Variants in OR2D2 observed in about 807,000 individuals in gnomAD.
The protein encoded by OR2D2 is olfactory receptor family 2 subfamily D member 2, also known as olfactory receptor 2D2.
A neutral mutation model predicts 16.0 loss-of-function variants in OR2D2; 20 were observed. The observed-to-expected ratio is 1.25, with a 90% confidence interval of 0.88 to 1.82. The LOEUF (loss-of-function observed/expected upper bound fraction) is 1.82, where lower values mean the gene tolerates loss of function less well. Among genes scored for constraint, OR2D2 ranks in the 40% most tolerant of loss-of-function variants. The pLI, the probability that OR2D2 is intolerant of heterozygous loss-of-function variation, is 0.00. For missense variants in OR2D2, 409 were observed against 369.3 expected (o/e 1.11, Z -0.88); for synonymous variants, 164 against 143.9 (o/e 1.14, Z -1.00).
Position 6,892,262 on chromosome 11 carries a change from T to C in OR2D2, c.239A>G (p.Gln80Arg), listed in dbSNP as rs1374124694. The C allele has an allele frequency of 5.0e-6, 8 of 1,613,820 alleles. No individual in the cohort carries two copies. Among genetic ancestry groups the C allele is most frequent in the Non-Finnish European group, 6.8e-6 (8 of 1,179,848 alleles). ...TCTGGAAAGCAGGTGGACTAGTGCCTGAGGAACTATGTTGGTAGAGAAACA... is the reference window on the plus strand; with the variant it reads ...TCTGGAAAGCAGGTGGACTAGTGCCCGAGGAACTATGTTGGTAGAGAAACA... ...DLCFSTNIVP[Q>R]ALVHLLSRKK... Residue 80 changes from glutamine (Q) to arginine (R), a missense_variant, in exon 1 of 1, where the codon CAG becomes CGG. Physicochemically the swap from Gln to Arg is conservative, Grantham distance 43. Coordinates refer to ENST00000299459, the MANE Select transcript of OR2D2 (RefSeq NM_003700.1).
rs1394889224 is a variant in OR2D2 at position 6,891,935 on chromosome 11, G to A, written c.566C>T (p.Ser189Phe). ...CATCTCTGATGCATGGGTGTCTGTG[G>A]ATGCTAAGATCAATAGTGCAGGGGC... ...CEAPALLILA[S>F]TDTHASEMAI... The change falls in exon 1 of 1, where the codon TCC (serine) becomes TTC (phenylalanine). Residue 189 changes from serine to phenylalanine, a missense_variant. Ser to Phe is a radical substitution (Grantham distance 155). Transcript: ENST00000299459. 3 of 1,613,522 alleles carry A rather than the reference G, an allele frequency of 1.9e-6. No individual in the cohort carries two copies. Among genetic ancestry groups the A allele is most frequent in the Non-Finnish European group, 2.5e-6 (3 of 1,179,824 alleles).
rs757818885 is a variant in OR2D2, at chr11:6,891,674, T to C, written c.827A>G (p.Tyr276Cys). The change falls in exon 1 of 1, where the codon TAT becomes TGT. Residue 276 changes from tyrosine to cysteine, a missense_variant. Transcript: ENST00000299459. ...ATTAAGCATGGGAGTCACTATTGCA[T>C]AGAAAACAGACACCGATTTTTCCTG... Reference protein sequence around the residue: ...KQQEKSVSVFYAIVTPMLNPL... With the variant: ...KQQEKSVSVFCAIVTPMLNPL... 5 of 1,613,060 alleles carry C rather than the reference T, an allele frequency of 3.1e-6. No individual in the cohort carries two copies. Among genetic ancestry groups the C allele is most frequent in the South Asian group, 1.1e-5 (1 of 91,076 alleles).
At position 6,892,128 on chromosome 11, in the gene OR2D2, C is replaced by A; in HGVS notation, c.373G>T (p.Ala125Ser). ...LAVMSYDRYV[A>S]ICNPLRYPNI... is the part of the protein sequence containing the mutation. ...GGGTAACGCAGAGGATTGCAGATTG[C>A]AACATAGCGATCATAGGACATCACT... The change falls in exon 1 of 1, where the codon GCA (alanine) becomes TCA (serine). Residue 125 changes from alanine (A) to serine (S), a missense_variant. Transcript: ENST00000299459. 1 of 1,613,790 alleles carries A rather than the reference C, an allele frequency of 6.2e-7. No individual in the cohort carries two copies. Among genetic ancestry groups the A allele is most frequent in the Non-Finnish European group, 8.5e-7 (1 of 1,179,844 alleles).
Position 6,892,335 on chromosome 11 carries a change from GAA to G in OR2D2, c.164_165del (p.Leu55ProfsTer15). 1 of 1,613,740 alleles carries G rather than the reference GAA, an allele frequency of 6.2e-7. No individual in the cohort carries two copies. Among genetic ancestry groups the G allele is most frequent in the East Asian group, 2.2e-5 (1 of 44,862 alleles). The part of the protein sequence containing the change: ...LISLVHVDSQ[L>X]HTPMYFFLCN... ...CAGAGAAAAAAATACATGGGTGTGT[GAA>G]GTTGGGAGTCAACATGAACAAGGGA... On this transcript the variant is annotated frameshift_variant, in exon 1 of 1. Coordinates refer to ENST00000299459, the MANE Select transcript of OR2D2 (RefSeq NM_003700.1). LOFTEE classifies it high-confidence loss of function.
chr11:6,891,836 A>G lies in OR2D2; in HGVS notation c.665T>C (p.Ile222Thr), dbSNP rs1848596600. 2 of 1,613,752 alleles carry G rather than the reference A, an allele frequency of 1.2e-6. No individual in the cohort carries two copies. Among genetic ancestry groups the G allele is most frequent in the African/African-American group, 1.3e-5 (1 of 74,890 alleles). Residue 222 changes from isoleucine to threonine, a missense_variant, in exon 1 of 1, where the codon ATA becomes ACA. Physicochemically the swap from Ile to Thr is moderately conservative, Grantham distance 89. Coordinates refer to ENST00000299459, the MANE Select transcript of OR2D2 (RefSeq NM_003700.1). ...TGACTTCATCTTGACCACAGTTACTATGATACGGCCATAGGATACCAGAAT... is the reference window on the plus strand; with the variant it reads ...TGACTTCATCTTGACCACAGTTACTGTGATACGGCCATAGGATACCAGAAT... ...FLILVSYGRIIVTVVKMKSTV... is the reference protein window; with the variant it reads ...FLILVSYGRITVTVVKMKSTV...
Position 6,892,179 on chromosome 11 carries a change from CA to C in OR2D2, c.321del (p.Phe107LeufsTer11), listed in dbSNP as rs757801594. The C allele has an allele frequency of 8.1e-6, 13 of 1,613,638 alleles. No homozygotes were observed. The East Asian group carries it at 2.7e-4, about 33-fold the overall frequency. On this transcript the variant is annotated frameshift_variant, in exon 1 of 1. Transcript: ENST00000299459. LOFTEE classifies it high-confidence loss of function. ...CAARLLFFLIFGCTQCALLAV... is the reference protein window; with the variant it reads ...CAARLLFFLIXGCTQCALLAV... ...GCAAGAAGGGCGCACTGGGTACACC[CA>C]AAAATGAGGAAAAAGAGAAGTCGAG...
At position 6,891,604 on chromosome 11, in the gene OR2D2, C is replaced by T. The variant is rs997621860; in HGVS notation, c.897G>A (p.Leu299=). The change falls in exon 1 of 1, where the codon CTG becomes CTA. Residue 299 remains leucine (L), a synonymous_variant. Transcript: ENST00000299459. ...GGAAATTCCTTGTGGCTACTTTCCT[C>T]AGAGCTGCCTTCACATCCTTGTTTC... is the stretch of plus-strand genomic sequence containing the variant. ...SLRNKDVKAA[L]RKVATRNFP The T allele has an allele frequency of 1.9e-6, 3 of 1,613,122 alleles. No homozygotes were observed. Among genetic ancestry groups the T allele is most frequent in the African/African-American group, 1.3e-5 (1 of 74,840 alleles).
At position 6,891,943 on chromosome 11, in the gene OR2D2, G is replaced by A; in HGVS notation, c.558C>T (p.Ile186=). The A allele has an allele frequency of 1.9e-6, 3 of 1,613,684 alleles. No individual in the cohort carries two copies. The highest frequency in any genetic ancestry group is 2.5e-6 in the Non-Finnish European group (3 of 1,179,814). The change falls in exon 1 of 1, where the codon ATC becomes ATT. Residue 186 remains isoleucine, a synonymous_variant. Transcript: ENST00000299459. The part of the protein sequence containing the change: ...HFFCEAPALL[I]LASTDTHASE... ...ATGCATGGGTGTCTGTGGATGCTAAGATCAATAGTGCAGGGGCCTCACAAA... is the reference window on the plus strand; with the variant it reads ...ATGCATGGGTGTCTGTGGATGCTAAAATCAATAGTGCAGGGGCCTCACAAA...
chr11:6,892,481 G>T lies in OR2D2; in HGVS notation c.20C>A (p.Thr7Lys), dbSNP rs747997494. 5.6e-6 allele frequency: 9 copies of T among 1,608,888 alleles called. No individual in the cohort carries two copies. The Admixed American group carries it at 1.5e-4, about 27-fold the overall frequency. The change falls in exon 1 of 1, where the codon ACA (threonine) becomes AAA (lysine). Residue 7 changes from threonine to lysine, a missense_variant. Thr to Lys is a moderately conservative substitution (Grantham distance 78). Coordinates refer to ENST00000299459, the MANE Select transcript of OR2D2 (RefSeq NM_003700.1). ...CAGAAGGAGGAATTCTGTCACTTGT[G>T]TCTGATTTATCTGTCTCATAGTTTG... MRQINQ[T>K]QVTEFLLLGL...
Position 6,892,031 on chromosome 11 carries a change from A to G in OR2D2, c.470T>C (p.Val157Ala). 6.2e-7 allele frequency: 1 copy of G among 1,613,650 alleles called. No individual in the cohort carries two copies. The highest frequency in any genetic ancestry group is 8.5e-7 in the Non-Finnish European group (1 of 1,179,700). ...CCTCAGTATGAAGGTGGTGTCTACCACAGACACCAGAATGCCACTGGTCCA... is the reference window on the plus strand; with the variant it reads ...CCTCAGTATGAAGGTGGTGTCTACCGCAGACACCAGAATGCCACTGGTCCA... ...GSWTSGILVS[V>A]VDTTFILRLP... Residue 157 changes from valine to alanine, a missense_variant, in exon 1 of 1, where the codon GTG (valine) becomes GCG (alanine). Physicochemically the swap from Val to Ala is moderately conservative, Grantham distance 64. Transcript: ENST00000299459.
rs772057797 is a variant in OR2D2 at position 6,891,719 on chromosome 11, G to A, written c.782C>T (p.Thr261Ile). Residue 261 changes from threonine to isoleucine, a missense_variant, in exon 1 of 1, where the codon ACA (threonine) becomes ATA (isoleucine). By Grantham distance (89) the Thr-to-Ile change is moderately conservative. Transcript: ENST00000299459. Reference protein sequence around the residue: ...FYGSAIITYMTPKSSKQQEKS... With the variant: ...FYGSAIITYMIPKSSKQQEKS... ...TTCCTGCTGTTTGGAAGACTTGGGT[G>A]TCATGTAAGTGATAATTGCTGATCC... 3.7e-6 allele frequency: 6 copies of A among 1,613,722 alleles called. No individual in the cohort carries two copies. Among genetic ancestry groups the A allele is most frequent in the Middle Eastern group, 1.6e-4 (1 of 6,062 alleles).
chr11:6,891,689 G>T lies in OR2D2; in HGVS notation c.812C>A (p.Ser271Ter), dbSNP rs113111396. The T allele has an allele frequency of 6.2e-7, 1 of 1,612,596 alleles. No individual in the cohort carries two copies. The highest frequency in any genetic ancestry group is 8.5e-7 in the Non-Finnish European group (1 of 1,179,762). Residue 271 changes from serine to a stop codon, truncating the protein, a stop_gained, in exon 1 of 1, where the codon TCG becomes TAG. Transcript: ENST00000299459. LOFTEE classifies it high-confidence loss of function. The part of the protein sequence containing the change: ...TPKSSKQQEK[S>*]VSVFYAIVTP... ...CACTATTGCATAGAAAACAGACACC[G>T]ATTTTTCCTGCTGTTTGGAAGACTT... is the stretch of plus-strand genomic sequence containing the variant.
rs758399018 is a variant in OR2D2 at position 6,892,263 on chromosome 11, G to A, written c.238C>T (p.Gln80Ter). ...CTGGAAAGCAGGTGGACTAGTGCCT[G>A]AGGAACTATGTTGGTAGAGAAACAG... ...DLCFSTNIVP[Q>*]ALVHLLSRKK... Residue 80 changes from glutamine (Q) to a stop codon, truncating the protein, a stop_gained, in exon 1 of 1, where the codon CAG (glutamine) becomes TAG (stop). Transcript: ENST00000299459. LOFTEE classifies it high-confidence loss of function. 5 of 1,613,778 alleles carry A rather than the reference G, an allele frequency of 3.1e-6. No individual in the cohort carries two copies. The highest frequency in any genetic ancestry group is 4.2e-6 in the Non-Finnish European group (5 of 1,179,860).
Position 6,892,350 on chromosome 11 carries a change from C to T in OR2D2, c.151G>A (p.Val51Ile), listed in dbSNP as rs755486230. Residue 51 changes from valine to isoleucine, a missense_variant, in exon 1 of 1, where the codon GTT becomes ATT. By Grantham distance (29) the Val-to-Ile change is conservative (BLOSUM62 3). Coordinates refer to ENST00000299459, the MANE Select transcript of OR2D2 (RefSeq NM_003700.1). ...GNLLLISLVH[V>I]DSQLHTPMYF... is the part of the protein sequence containing the mutation. The stretch of plus-strand genomic sequence containing the variant: ...ATGGGTGTGTGAAGTTGGGAGTCAA[C>T]ATGAACAAGGGAGATTAGAAGCAGA... 1.2e-6 allele frequency: 2 copies of T among 1,613,686 alleles called. No homozygotes were observed. Among genetic ancestry groups the T allele is most frequent in the Non-Finnish European group, 1.7e-6 (2 of 1,179,818 alleles).
rs190085149 is a variant in OR2D2 at position 6,892,000 on chromosome 11, G to C, written c.501C>G (p.Pro167=). 1.9e-6 allele frequency: 3 copies of C among 1,613,740 alleles called. No homozygotes were observed. The highest frequency in any genetic ancestry group is 1.7e-5 in the Admixed American group (1 of 59,932). The change falls in exon 1 of 1, where the codon CCC becomes CCG. Residue 167 remains proline, a synonymous_variant. Transcript: ENST00000299459. ...GAGCAATGCTGTTACTGCCTCGGTA[G>C]GGTAGCCTCAGTATGAAGGTGGTGT... is the stretch of plus-strand genomic sequence containing the variant. ...VVDTTFILRL[P]YRGSNSIAHF...
chr11:6,891,985 G>C lies in OR2D2; in HGVS notation c.516C>G (p.Asn172Lys), dbSNP rs1347899045. ...FILRLPYRGS[N>K]SIAHFFCEAP... ...CCTCACAAAAGAAATGAGCAATGCTGTTACTGCCTCGGTAGGGTAGCCTCA... is the reference window on the plus strand; with the variant it reads ...CCTCACAAAAGAAATGAGCAATGCTCTTACTGCCTCGGTAGGGTAGCCTCA... The change falls in exon 1 of 1, where the codon AAC becomes AAG. Residue 172 changes from asparagine (N) to lysine (K), a missense_variant. Physicochemically the swap from Asn to Lys is moderately conservative, Grantham distance 94. Transcript: ENST00000299459. 1 of 1,613,742 alleles carries C rather than the reference G, an allele frequency of 6.2e-7. No homozygotes were observed. The highest frequency in any genetic ancestry group is 1.1e-5 in the South Asian group (1 of 91,070).
Position 6,891,995 on chromosome 11 carries a change from C to A in OR2D2, c.506G>T (p.Arg169Leu). ...DTTFILRLPY[R>L]GSNSIAHFFC... ...GAAATGAGCAATGCTGTTACTGCCT[C>A]GGTAGGGTAGCCTCAGTATGAAGGT... The change falls in exon 1 of 1, where the codon CGA becomes CTA. Residue 169 changes from arginine (R) to leucine (L), a missense_variant. By Grantham distance (102) the Arg-to-Leu change is moderately radical. Transcript: ENST00000299459. The A allele has an allele frequency of 1.2e-6, 2 of 1,613,658 alleles. No individual in the cohort carries two copies. Among genetic ancestry groups the A allele is most frequent in the Non-Finnish European group, 1.7e-6 (2 of 1,179,800 alleles).
rs780148313 is a variant in OR2D2 at position 6,891,981 on chromosome 11, T to C, written c.520A>G (p.Ile174Val). Residue 174 changes from isoleucine (I) to valine (V), a missense_variant, in exon 1 of 1, where the codon ATT (isoleucine) becomes GTT (valine). Ile to Val is a conservative substitution (Grantham distance 29). Coordinates refer to ENST00000299459, the MANE Select transcript of OR2D2 (RefSeq NM_003700.1). ...GGGGCCTCACAAAAGAAATGAGCAA[T>C]GCTGTTACTGCCTCGGTAGGGTAGC... ...LRLPYRGSNS[I>V]AHFFCEAPAL... is the part of the protein sequence containing the mutation. 6.2e-7 allele frequency: 1 copy of C among 1,613,592 alleles called. No individual in the cohort carries two copies. Among genetic ancestry groups the C allele is most frequent in the Non-Finnish European group, 8.5e-7 (1 of 1,179,820 alleles).
In OR2D2 at chr11:6,892,433, G is replaced by A. The variant is rs756674323; in HGVS notation, c.68C>T (p.Thr23Ile). The A allele has an allele frequency of 1.7e-5, 28 of 1,613,570 alleles. No individual in the cohort carries two copies. In the South Asian group the frequency reaches 2.6e-4, roughly 15 times the overall value. ...LLLGLSDGPH[T>I]EQLLFIVLLG... ...TAATACGATAAATAGCAGCTGCTCGGTGTGTGGCCCATCAGAGAGTCCCAG... is the reference window on the plus strand; with the variant it reads ...TAATACGATAAATAGCAGCTGCTCGATGTGTGGCCCATCAGAGAGTCCCAG... The change falls in exon 1 of 1, where the codon ACC (threonine) becomes ATC (isoleucine). Residue 23 changes from threonine to isoleucine, a missense_variant. Coordinates refer to ENST00000299459, the MANE Select transcript of OR2D2 (RefSeq NM_003700.1).
Sources: allele counts gnomAD v4.1 joint callset, GRCh38; gene constraint gnomAD v4.1.1; transcripts MANE v1.5; gene names NCBI Gene and HGNC (gene_info 2026-07-23, HGNC 2026-07-21).